L1CAM: variants seen among roughly 807,000 people sequenced by gnomAD.
L1CAM encodes the protein neural cell adhesion molecule L1.
L1CAM carries 8 observed loss-of-function variants against 93.0 expected under a neutral mutation model. The ratio of observed to expected loss-of-function variants is 0.09; its 90% confidence interval spans 0.05 to 0.16. L1CAM has a LOEUF of 0.16. Among genes scored for constraint, L1CAM ranks in the 10% least tolerant of loss-of-function variants. The pLI is 1.00. For synonymous variants in L1CAM, 453 were observed against 453.0 expected (o/e 1.00, Z 0.00); for missense variants, 777 against 1,073.4 (o/e 0.72, Z 3.86).
rs141250221 is a variant in L1CAM, at chrX:153,868,432, G to A, written c.1573C>T (p.Arg525Cys). The A allele has an allele frequency of 6.6e-6, 8 of 1,210,273 alleles. No homozygotes were observed. The highest frequency in any genetic ancestry group is 3.5e-5 in the South Asian group (2 of 56,850). Reference protein sequence around the residue: ...KDATQITQGPRSTIEKKGSRV... With the variant: ...KDATQITQGPCSTIEKKGSRV... ...GAACCTTTCTTCTCGATTGTGCTGC[G>A]GGGCCCCTGAGTGATCTGAGTTGCA... The change falls in exon 14 of 29, where the codon CGC becomes TGC. Residue 525 changes from arginine (R) to cysteine (C), a missense_variant. By Grantham distance (180) the Arg-to-Cys change is radical. Coordinates refer to ENST00000370060, the MANE Select transcript of L1CAM (RefSeq NM_001278116.2).
intron 18 of L1CAM, 31 bp downstream of exon 18, chrX:153,867,023 C>T (rs1365518720): frequency 1.7e-6 from 2 of 1,178,690 alleles, no homozygotes; most frequent in Non-Finnish European, 2.3e-6. Flanking sequence ...GGCCTCATGT[C>T]CCCCAGGCAG....
chrX:153,882,990 G>A (rs1047966205), intron 1 of L1CAM, among the ~76,000 whole-genome samples: 2 of 112,363 alleles, frequency 1.8e-5, no homozygotes, highest in African/African-American at 3.2e-5. Flanking sequence ...ATCTGGGGAA[G>A]AGGCAAGCTG....
At chrX:153,879,561 G>A (rs782324207) in intron 1 of L1CAM, among the ~76,000 whole-genome samples, 49 of 112,354 alleles carry the variant, frequency 4.4e-4, no homozygotes, top group African/African-American at 1.4e-3. Context: ...TGGACGTCAC[G>A]CTGGCCTGGG....
At chrX:153,865,660 C>T (rs2064706387) in intron 20 of L1CAM, 44 bp downstream of exon 20, 1 of 1,056,958 alleles carries the variant, frequency 9.5e-7, no homozygotes, top group Non-Finnish European at 1.3e-6. Flanking sequence ...TGTCGCTTTA[C>T]CTCAGTGATC....
chrX:153,883,680 C>T, intron 1 of L1CAM: 2 of 318,734 alleles, frequency 6.3e-6, no homozygotes, highest in Non-Finnish European at 6.4e-6. Context: ...GAGGCAGGGC[C>T]CCCACTCATG....
chrX:153,866,980 T>C, intron 18 of L1CAM, 74 bp downstream of exon 18: 1 of 1,121,721 alleles, frequency 8.9e-7, no homozygotes, highest in South Asian at 1.8e-5. Context: ...TTCCTTTGCA[T>C]AGCCAAGGGG....
At chrX:153,872,508 G>A in intron 4 of L1CAM, 84 bp downstream of exon 4, 1 of 965,280 alleles carries the variant, frequency 1.0e-6, no homozygotes, top group Non-Finnish European at 1.5e-6. Flanking sequence ...GGGGCTTCTG[G>A]GCTTAGAAGT....
At chrX:153,883,732 C>T (rs1557096221) in intron 1 of L1CAM, 2 of 339,501 alleles carry the variant, frequency 5.9e-6, no homozygotes, top group Admixed American at 6.2e-5. Context: ...GGCTGGGATC[C>T]CCATCCTGGC....
intron 2 of L1CAM, among the ~76,000 whole-genome samples, chrX:153,875,344 T>C (rs1253055779): frequency 2.7e-5 from 3 of 112,066 alleles, no homozygotes; most frequent in Non-Finnish European, 3.8e-5. Flanking sequence ...CACAGGCCTT[T>C]GCACAAGCCA....
At chrX:153,876,137 G>C (rs1402125698) in intron 1 of L1CAM, 193 bp from the exon 2 acceptor site, 1 of 439,982 alleles carries the variant, frequency 2.3e-6, no homozygotes, top group Admixed American at 4.0e-5. Context: ...ATCTGGAAGA[G>C]ATAGCCCTGG....
chrX:153,863,563 G>A lies in L1CAM; in HGVS notation c.3458-14C>T. The A allele has an allele frequency of 1.7e-6, 2 of 1,196,562 alleles. No homozygotes were observed. The highest frequency in any genetic ancestry group is 2.3e-6 in the Non-Finnish European group (2 of 883,102). ...CCTTATCCTTCACTGGAGACACAGAGAGGGACAGCTTCTTCTCCCGCCCCA... is the reference window on the plus strand; with the variant it reads ...CCTTATCCTTCACTGGAGACACAGAAAGGGACAGCTTCTTCTCCCGCCCCA... On this transcript the variant is annotated splice_polypyrimidine_tract_variant and intron_variant, in intron 26 of 28. Coordinates refer to ENST00000370060, the MANE Select transcript of L1CAM (RefSeq NM_001278116.2).
At chrX:153,877,479 T>G (rs2064822191) in intron 1 of L1CAM, among the ~76,000 whole-genome samples, 1 of 94,447 alleles carries the variant, frequency 1.1e-5, no homozygotes. Context: ...AAAAAAAAGT[T>G]AGCCTGGCGT....
intron 12 of L1CAM, 32 bp downstream of exon 12, chrX:153,868,809 G>A (rs781797681): frequency 3.3e-6 from 4 of 1,201,100 alleles, no homozygotes; most frequent in African/African-American, 3.5e-5. Context: ...ACTGGGACAC[G>A]ACACTCACCA....
Position 153,872,627 on chromosome X carries a change from G to T in L1CAM, c.162C>A (p.Ser54Arg). ...GCTTGCCACTGGCCTCACACTTGAG[G>T]CTGATGTCATCTGTGGGGAAGACAA... ...RLVVFPTDDI[S>R]LKCEASGKPE... Residue 54 changes from serine (S) to arginine (R), a missense_variant, in exon 4 of 29, where the codon AGC (serine) becomes AGA (arginine). Around this residue, in one of 5 missense-constraint regions of L1CAM, gnomAD observed 574 missense variants for 781.0 expected, o/e 0.73. Coordinates refer to ENST00000370060, the MANE Select transcript of L1CAM (RefSeq NM_001278116.2). 8.3e-7 allele frequency: 1 copy of T among 1,210,437 alleles called. No individual in the cohort carries two copies. Among genetic ancestry groups the T allele is most frequent in the Non-Finnish European group, 1.1e-6 (1 of 894,296 alleles).
intron 20 of L1CAM, 74 bp from the exon 21 acceptor site, chrX:153,865,574 C>T (rs1430355359): frequency 3.8e-6 from 4 of 1,059,177 alleles, no homozygotes; most frequent in Non-Finnish European, 5.3e-6. Context: ...CCCCCACCAC[C>T]CTTAATGGGG....
In L1CAM at chrX:153,872,769, A is replaced by T; in HGVS notation, c.92-72T>A. The T allele has an allele frequency of 5.7e-6, 5 of 878,049 alleles. No homozygotes were observed. In the South Asian group the frequency reaches 1.0e-4, roughly 18 times the overall value. 72.4% of individuals were successfully genotyped at this position (878,049 alleles called of 1,213,427 possible). On this transcript the variant is annotated intron_variant, in intron 3 of 28. Transcript: ENST00000370060. ...GTGTCATAGCCTCAGCACCTGTCCC[A>T]TCGTGAGGGAAGCAGGGTCCAGAGC...
At chrX:153,881,700 C>T (rs2064845606) in intron 1 of L1CAM, among the ~76,000 whole-genome samples, 2 of 111,208 alleles carry the variant, frequency 1.8e-5, no homozygotes, top group Non-Finnish European at 3.8e-5. Context: ...GTTCTGATAC[C>T]TTTCTTGCAA....
chrX:153,882,102 G>A (rs2064848052), intron 1 of L1CAM, among the ~76,000 whole-genome samples: 1 of 111,073 alleles, frequency 9.0e-6, no homozygotes. Context: ...GGGTGGGGGT[G>A]CCTGGAAACA....
Position 153,872,395 on chromosome X carries a change from C to A in L1CAM, c.198-41G>T, listed in dbSNP as rs782701004. The A allele has an allele frequency of 3.5e-6, 4 of 1,158,433 alleles. No homozygotes were observed. The East Asian group carries it at 1.2e-4, about 35-fold the overall frequency. On this transcript the variant is annotated intron_variant, in intron 4 of 28. Transcript: ENST00000370060. ...GGCCCAGAGGCCTGAGGCCCTGGAA[C>A]CCAACGGGGGCTGGAACAGGCTGGA...
Sources: gnomAD v4.1 joint callset for allele counts (sites outside exome capture counted in the v4.1 genomes callset) on GRCh38, gnomAD v4.1.1 for gene constraint, gnomAD v4.1.1 regional missense constraint, MANE v1.5 for transcripts, NCBI Gene and HGNC (gene_info 2026-07-23, HGNC 2026-07-21) for gene names.